MSRA: variants seen among roughly 807,000 people sequenced by gnomAD.
The protein encoded by MSRA is methionine sulfoxide reductase A, also known as mitochondrial peptide methionine sulfoxide reductase.
Under a neutral mutation model 31.3 loss-of-function variants are expected in MSRA, and 54 were observed. The ratio of observed to expected loss-of-function variants is 1.73; its 90% CI spans 1.39 to 2.17. The LOEUF is 2.17. Among genes scored for constraint, MSRA ranks in the 30% most tolerant of loss-of-function variants. The pLI is 0.00. For synonymous variants in MSRA, 169 were observed against 116.5 expected (o/e 1.45, Z -2.90); for missense variants, 507 against 300.9 (o/e 1.69, Z -5.07).
chr8:10,344,150 G>C (rs1366798553), intron 5 of MSRA, among the ~76,000 whole-genome samples: 1 of 152,222 alleles, frequency 6.6e-6, no homozygotes, highest in African/African-American at 2.4e-5. Context: ...GCTTTGAGGT[G>C]AGAAGACCTG....
intron 5 of MSRA, among the ~76,000 whole-genome samples, chr8:10,368,648 C>A (rs1253546713): frequency 6.6e-6 from 1 of 152,166 alleles, no homozygotes; most frequent in Non-Finnish European, 1.5e-5. Context: ...ATGCACTGTT[C>A]CACAATGAAA....
chr8:10,068,646 A>G (rs778660074), intron 1 of MSRA, among the ~76,000 whole-genome samples: 2 of 152,166 alleles, frequency 1.3e-5, no homozygotes, highest in Non-Finnish European at 2.9e-5. Context: ...TGGGCTCCTT[A>G]TTATGATCCA....
intron 4 of MSRA, among the ~76,000 whole-genome samples, chr8:10,306,777 G>A (rs894138036): frequency 2.6e-5 from 4 of 151,986 alleles, no homozygotes; most frequent in Admixed American, 2.0e-4. Flanking sequence ...TGAGTGCCTC[G>A]AGCCAAGCCA....
intron 1 of MSRA, among the ~76,000 whole-genome samples, chr8:10,081,955 C>T (rs546615241): frequency 7.2e-5 from 11 of 152,094 alleles, no homozygotes; most frequent in African/African-American, 1.9e-4. Flanking sequence ...TGTGTCCCAG[C>T]GCTGTGAGGG....
At position 10,173,428 on chromosome 8, in the gene MSRA, G is replaced by A. The variant is rs575419391; in HGVS notation, c.143-34405G>A. 3.9e-5 allele frequency among the ~76,000 whole-genome samples: 6 copies of A among 152,386 alleles called. No individual in the cohort carries two copies. The South Asian group carries it at 1.2e-3, about 32-fold the overall frequency. On this transcript the variant is annotated intron_variant, in intron 1 of 5. Coordinates refer to ENST00000317173, the MANE Select transcript of MSRA (RefSeq NM_012331.5). ...TGATTTAACTTTGTCAAGCCAAAGA[G>A]AGGGCTCGTGTTTCAATAGTTAGCC...
At chr8:10,391,313 A>G (rs1002431848) in intron 5 of MSRA, among the ~76,000 whole-genome samples, 9 of 152,162 alleles carry the variant, frequency 5.9e-5, no homozygotes, top group African/African-American at 1.2e-4. Context: ...GACATATTCA[A>G]TGCTCTTGGC....
intron 1 of MSRA, among the ~76,000 whole-genome samples, chr8:10,138,589 A>T (rs1439651580): frequency 6.6e-6 from 1 of 152,174 alleles, no homozygotes; most frequent in Non-Finnish European, 1.5e-5. Context: ...GGTGATCTGA[A>T]TTGCAAGAAT....
At chr8:10,065,008 C>G (rs1052029478) in intron 1 of MSRA, among the ~76,000 whole-genome samples, 4 of 152,170 alleles carry the variant, frequency 2.6e-5, no homozygotes, top group Non-Finnish European at 5.9e-5. Flanking sequence ...TAGGCTGTCA[C>G]AGAGCCCCCG....
chr8:10,364,639 AGT>A (rs1805052449), intron 5 of MSRA, among the ~76,000 whole-genome samples: 2 of 152,218 alleles, frequency 1.3e-5, no homozygotes, highest in South Asian at 4.1e-4. Context: ...TGTGGTTTGC[AGT>A]GTGAGTGACC....
chr8:10,080,274 A>G (rs941831367), intron 1 of MSRA, among the ~76,000 whole-genome samples: 1 of 149,642 alleles, frequency 6.7e-6, no homozygotes, highest in Non-Finnish European at 1.5e-5. Flanking sequence ...CCTTATTAGT[A>G]TTTCATTTCT....
At chr8:10,305,914 G>A (rs1801114214) in intron 4 of MSRA, among the ~76,000 whole-genome samples, 1 of 152,178 alleles carries the variant, frequency 6.6e-6, no homozygotes, top group South Asian at 2.1e-4. Context: ...GTCAGTAAGT[G>A]GAATAGTCTT....
intron 1 of MSRA, among the ~76,000 whole-genome samples, chr8:10,090,134 G>T (rs1471123088): frequency 6.6e-6 from 1 of 152,220 alleles, no homozygotes; most frequent in African/African-American, 2.4e-5. Flanking sequence ...GTCCTGGGAA[G>T]CAGAGACTTA....
At chr8:10,095,261 G>T (rs533621330) in intron 1 of MSRA, among the ~76,000 whole-genome samples, 1 of 152,290 alleles carries the variant, frequency 6.6e-6, no homozygotes, top group East Asian at 1.9e-4. Context: ...GACATTTCTA[G>T]GGAACAGATT....
chr8:10,279,960 GAT>G (rs1453414438), intron 3 of MSRA, among the ~76,000 whole-genome samples: 1 of 152,182 alleles, frequency 6.6e-6, no homozygotes, highest in Non-Finnish European at 1.5e-5. Context: ...AACTAGGCCT[GAT>G]ATTTTCCTTT....
In MSRA at chr8:10,153,245, C is replaced by T. The variant is rs552928507; in HGVS notation, c.143-54588C>T. 1.8e-4 allele frequency among the ~76,000 whole-genome samples: 28 copies of T among 152,198 alleles called. No individual in the cohort carries two copies. The South Asian group carries it at 3.3e-3, about 18-fold the overall frequency. ...TGGCTGAGAAGTTGGCCTGGCTGGA[C>T]CGTTGTCTGGGGGGAGCATGTGGAT... On this transcript the variant is annotated intron_variant, in intron 1 of 5. Transcript: ENST00000317173.
chr8:10,250,454 A>C (rs1797856223), intron 3 of MSRA: 2 of 702,520 alleles, frequency 2.8e-6, no homozygotes, highest in East Asian at 5.4e-5. Context: ...TTATTAGTCT[A>C]TTCAAAAGCT....
chr8:10,408,729 C>T (rs976818806), intron 5 of MSRA, among the ~76,000 whole-genome samples: 1 of 150,172 alleles, frequency 6.7e-6, no homozygotes, highest in Non-Finnish European at 1.5e-5. Flanking sequence ...TCTCATCCCT[C>T]ACTCCCCCAC....
chr8:10,267,742 T>C (rs985343191), intron 3 of MSRA, among the ~76,000 whole-genome samples: 1 of 152,170 alleles, frequency 6.6e-6, no homozygotes, highest in Non-Finnish European at 1.5e-5. Context: ...CCAATTTCGC[T>C]ATCTGCCAGA....
At chr8:10,170,222 C>A (rs1244806755) in intron 1 of MSRA, among the ~76,000 whole-genome samples, 1 of 151,892 alleles carries the variant, frequency 6.6e-6, no homozygotes, top group East Asian at 1.9e-4. Flanking sequence ...TGCTTGTCTC[C>A]CTCCAAATTC....
Sources: gnomAD v4.1 joint callset for allele counts (sites outside exome capture counted in the v4.1 genomes callset) on GRCh38, gnomAD v4.1.1 for gene constraint, MANE v1.5 for transcripts, NCBI Gene and HGNC (gene_info 2026-07-23, HGNC 2026-07-21) for gene names.